The following RBFOX3 variants were observed in gnomAD, a reference collection of about 807,000 sequenced individuals.
RBFOX3 encodes the protein RNA binding fox-1 homolog 3, also known as RNA binding protein fox-1 homolog 3.
Under a neutral mutation model 48.7 loss-of-function variants are expected in RBFOX3, and 17 were observed. The ratio of observed to expected loss-of-function variants is 0.35; its 90% CI spans 0.24 to 0.52. The LOEUF is 0.52. RBFOX3 is among the 20% of genes least tolerant of loss of function. RBFOX3 has a pLI of 0.94. For missense variants in RBFOX3, 382 were observed against 497.5 expected (o/e 0.77, Z 2.21); for synonymous variants, 212 against 209.5 (o/e 1.01, Z -0.10).
At chr17:79,127,317 A>T (rs1336863109) in intron 4 of RBFOX3, among the ~76,000 whole-genome samples, 1 of 152,194 alleles carries the variant, frequency 6.6e-6, no homozygotes, top group African/African-American at 2.4e-5. Flanking sequence ...AGTTTCCACG[A>T]GCCAGAGGAC....
intron 2 of RBFOX3, among the ~76,000 whole-genome samples, chr17:79,401,938 C>T (rs2062863812): frequency 6.6e-6 from 1 of 152,236 alleles, no homozygotes; most frequent in Non-Finnish European, 1.5e-5. Context: ...TGTGGTCATC[C>T]GTTCTGGTGA....
chr17:79,316,647 A>G (rs564663663), intron 2 of RBFOX3, among the ~76,000 whole-genome samples: 258 of 152,366 alleles, frequency 1.7e-3, no homozygotes, highest in Middle Eastern at 0.01. Context: ...AGACCCCTGC[A>G]CATCTGCTTT....
intron 3 of RBFOX3, among the ~76,000 whole-genome samples, chr17:79,263,228 G>A (rs887946135): frequency 2.0e-5 from 3 of 152,254 alleles, no homozygotes; most frequent in African/African-American, 7.2e-5. Flanking sequence ...ACTCAGGCTA[G>A]AGGGAGAACA....
chr17:79,214,936 C>G lies in RBFOX3; in HGVS notation c.-34+20830G>C, dbSNP rs1417945900. On this transcript the variant is annotated intron_variant, in intron 4 of 14. Coordinates refer to ENST00000693108, the MANE Select transcript of RBFOX3 (RefSeq NM_001350451.2). This position sits in a 1 kb window ranked among gnomAD's most constrained non-coding sequence, Gnocchi z 4.7. ...TACCGCTAATTTGGAGACGTTCTGCCTTGGCATCTTCGCCTGGTGCCGGTC... is the reference window on the plus strand; with the variant it reads ...TACCGCTAATTTGGAGACGTTCTGCGTTGGCATCTTCGCCTGGTGCCGGTC... 6.6e-6 allele frequency among the ~76,000 whole-genome samples: 1 copy of G among 152,208 alleles called. No individual in the cohort carries two copies. The highest frequency in any genetic ancestry group is 1.5e-5 in the Non-Finnish European group (1 of 68,032).
the RBFOX3 span, among the ~76,000 whole-genome samples, chr17:79,663,471 G>C: frequency 2.0e-5 from 3 of 152,112 alleles, no homozygotes; most frequent in Non-Finnish European, 4.4e-5. Flanking sequence ...CTTTATAGGG[G>C]GTCTGACCTT....
intron 12 of RBFOX3, 33 bp downstream of exon 12, chr17:79,096,620 T>TGG: frequency 6.7e-7 from 1 of 1,502,346 alleles, no homozygotes. Flanking sequence ...GAACGCCTGA[T>TGG]CCCACCCTCC....
At chr17:79,236,196 C>A (rs540859305) in intron 3 of RBFOX3, among the ~76,000 whole-genome samples, 1 of 152,246 alleles carries the variant, frequency 6.6e-6, no homozygotes, top group Admixed American at 6.5e-5. Flanking sequence ...CGTTTAGTTT[C>A]ACACTGGGTT....
chr17:79,511,270 CTG>C (rs1467381552), intron 1 of RBFOX3, among the ~76,000 whole-genome samples: 6 of 152,174 alleles, frequency 3.9e-5, no homozygotes, highest in African/African-American at 7.2e-5. Flanking sequence ...AGACGAAACT[CTG>C]TGTGTGTGCA....
intron 4 of RBFOX3, among the ~76,000 whole-genome samples, chr17:79,210,824 T>C (rs994921040): frequency 2.0e-5 from 3 of 151,358 alleles, no homozygotes; most frequent in African/African-American, 7.3e-5. Flanking sequence ...GTGCCGAGTT[T>C]TGGAGTTTCC....
At chr17:79,219,829 G>A (rs751056616) in intron 4 of RBFOX3, among the ~76,000 whole-genome samples, 1 of 151,752 alleles carries the variant, frequency 6.6e-6, no homozygotes, top group Non-Finnish European at 1.5e-5. Context: ...AGGGGAGCTT[G>A]TGGGGCTGGG....
At chr17:79,092,191 G>A (rs2074054178) in intron 14 of RBFOX3, 1 of 985,544 alleles carries the variant, frequency 1.0e-6, no homozygotes, top group Non-Finnish European at 1.2e-6. Context: ...GTTCTGTGCA[G>A]CCTGGGAGGC....
chr17:79,257,448 A>G (rs2148399329), intron 3 of RBFOX3, among the ~76,000 whole-genome samples: 1 of 152,318 alleles, frequency 6.6e-6, no homozygotes, highest in South Asian at 2.1e-4. Flanking sequence ...CAAGATGCTG[A>G]GAGCACAGCC....
chr17:79,216,460 G>A lies in RBFOX3; in HGVS notation c.-34+19306C>T, dbSNP rs570479569. Among the ~76,000 whole-genome samples, 20 of 152,258 alleles carry A rather than the reference G, an allele frequency of 1.3e-4. 1 individual carries two copies. The highest frequency in any genetic ancestry group is 4.8e-4 in the African/African-American group (20 of 41,550). Reference sequence around the variant, plus strand: ...GGGGCAGGCAGGAAGGAGGGGTGGGGCATTGTAGGAGCAGCTTAGAGGTAG... The same window carrying A: ...GGGGCAGGCAGGAAGGAGGGGTGGGACATTGTAGGAGCAGCTTAGAGGTAG... On this transcript the variant is annotated intron_variant, in intron 4 of 14. Transcript: ENST00000693108.
chr17:79,161,517 C>T (rs991072130), intron 4 of RBFOX3, among the ~76,000 whole-genome samples: 5 of 152,184 alleles, frequency 3.3e-5, no homozygotes, highest in African/African-American at 9.7e-5. Flanking sequence ...TGTGGAGGCC[C>T]GGAAGCTGGC....
chr17:79,466,703 A>T (rs1179494749), intron 2 of RBFOX3, among the ~76,000 whole-genome samples: 11 of 152,330 alleles, frequency 7.2e-5, no homozygotes, highest in African/African-American at 2.6e-4. Context: ...CGATTTTGCT[A>T]ATTTTTCTCC....
intron 2 of RBFOX3, among the ~76,000 whole-genome samples, chr17:79,371,182 G>C (rs2058489088): frequency 6.6e-6 from 1 of 152,258 alleles, no homozygotes. Context: ...ACCATGGCGA[G>C]GGGCCACAGT....
At chr17:79,296,305 C>CCA (rs61439993) in intron 3 of RBFOX3, among the ~76,000 whole-genome samples, 1,466 of 130,490 alleles carry the variant, frequency 0.011, 7 homozygotes, top group East Asian at 0.018. Context: ...CACACACACA[C>CCA]CACACACACA....
At chr17:79,651,403 C>T in the RBFOX3 span, among the ~76,000 whole-genome samples, 3 of 152,152 alleles carry the variant, frequency 2.0e-5, no homozygotes, top group Admixed American at 6.5e-5. Context: ...GGGGAAGATG[C>T]GGATCATGTT....
chr17:79,478,670 G>A (rs2078328481), intron 2 of RBFOX3, among the ~76,000 whole-genome samples: 1 of 152,212 alleles, frequency 6.6e-6, no homozygotes, highest in Non-Finnish European at 1.5e-5. Context: ...GGAAAGGAAG[G>A]GAAGGGTCAG....
Sources: gnomAD v4.1 joint callset for allele counts (sites outside exome capture counted in the v4.1 genomes callset) on GRCh38, gnomAD v4.1.1 for gene constraint, Gnocchi (gnomAD v3.1) non-coding constraint, MANE v1.5 for transcripts, NCBI Gene and HGNC (gene_info 2026-07-23, HGNC 2026-07-21) for gene names.